EMCN: variants seen among roughly 807,000 people sequenced by gnomAD.
EMCN encodes the protein MUC-14.
In EMCN, 37 loss-of-function variants were observed where a neutral mutation model predicts 38.4. That is an observed-to-expected ratio of 0.96 (90% confidence interval 0.74 to 1.27). EMCN has a LOEUF of 1.27. Among genes scored for constraint, EMCN ranks in the 50% most tolerant of loss-of-function variants. EMCN has a pLI of 0.00. For missense variants in EMCN, 318 were observed against 302.8 expected (o/e 1.05, Z -0.37); for synonymous variants, 95 against 100.8 (o/e 0.94, Z 0.35).
At chr4:100,455,509 G>GTTTTTTTTTTTTTTTTTTTTTTTT (rs11432936) in intron 4 of EMCN, among the ~76,000 whole-genome samples, 1 of 133,534 alleles carries the variant, frequency 7.5e-6, no homozygotes, top group Non-Finnish European at 1.5e-5. Flanking sequence ...AGGGTGAAAA[G>GTTTTTTTTTTTTTTTTTTTTTTTT]TTTTTTTTTT....
At chr4:100,420,166 A>G (rs1472024455) in intron 8 of EMCN, among the ~76,000 whole-genome samples, 1 of 152,222 alleles carries the variant, frequency 6.6e-6, no homozygotes, top group East Asian at 1.9e-4. Flanking sequence ...GTAGCATGCA[A>G]TGTGAACAAT....
At chr4:100,399,862 T>G (rs1274352577) in intron 11 of EMCN, among the ~76,000 whole-genome samples, 1 of 152,164 alleles carries the variant, frequency 6.6e-6, no homozygotes, top group African/African-American at 2.4e-5. Context: ...TTGGTACAGA[T>G]TATTTTACCC....
chr4:100,516,427 T>C (rs3756041), intron 1 of EMCN, among the ~76,000 whole-genome samples: 59,969 of 151,920 alleles, frequency 0.39, 12,475 homozygotes, highest in East Asian at 0.74. Flanking sequence ...TCAGACTTTA[T>C]ACTAATCTGA....
chr4:100,416,851 T>C (rs1468872812), intron 9 of EMCN, among the ~76,000 whole-genome samples: 4 of 152,178 alleles, frequency 2.6e-5, no homozygotes, highest in Non-Finnish European at 4.4e-5. Flanking sequence ...TAGGTATTTT[T>C]TCTATGATAT....
chr4:100,396,540 C>CT lies in EMCN; in HGVS notation c.*1872dup, dbSNP rs71594584. 0.66 allele frequency: 65,299 copies of CT among 99,584 alleles called. 23,292 individuals are homozygous for CT. The highest frequency in any genetic ancestry group is 0.88 in the East Asian group (3,121 of 3,550). The allele number at this position is 99,584 out of a possible 1,614,324, so 6.2% of individuals were successfully genotyped here. ...GGACTTTCTTTCTTTCTTTTTTTTC[C>CT]TTTTTTTTTTTTTTTTTTTTGAGAC... On this transcript the variant is annotated 3_prime_UTR_variant, in exon 12 of 12. Transcript: ENST00000296420.
intron 11 of EMCN, among the ~76,000 whole-genome samples, 158 bp downstream of exon 11, chr4:100,410,124 G>T (rs1212507308): frequency 6.6e-6 from 1 of 152,206 alleles, no homozygotes; most frequent in African/African-American, 2.4e-5. Flanking sequence ...GGCAATTTTT[G>T]TTAGAGTTTG....
intron 3 of EMCN, among the ~76,000 whole-genome samples, chr4:100,474,642 C>A (rs1728583598): frequency 1.3e-5 from 2 of 152,078 alleles, no homozygotes; most frequent in African/African-American, 4.8e-5. Context: ...GTGGTATATC[C>A]ATACAATGCA....
chr4:100,458,218 C>T (rs1487894165), intron 4 of EMCN, among the ~76,000 whole-genome samples: 1 of 152,042 alleles, frequency 6.6e-6, no homozygotes. Flanking sequence ...ATGAGGCCAT[C>T]TGGACCTGAG....
intron 8 of EMCN, 27 bp downstream of exon 8, chr4:100,421,254 GA>G: frequency 6.3e-7 from 1 of 1,586,734 alleles, no homozygotes; most frequent in Non-Finnish European, 8.6e-7. Context: ...CTTCTTTCAG[GA>G]AAACAAAACA....
At chr4:100,411,053 G>A (rs946945068) in intron 10 of EMCN, among the ~76,000 whole-genome samples, 21 of 152,076 alleles carry the variant, frequency 1.4e-4, no homozygotes, top group African/African-American at 4.1e-4. Context: ...TCAAATCTCC[G>A]GCTTTTAGAA....
At chr4:100,463,053 T>C (rs1302681588) in intron 4 of EMCN, among the ~76,000 whole-genome samples, 3 of 152,286 alleles carry the variant, frequency 2.0e-5, no homozygotes, top group African/African-American at 4.8e-5. Flanking sequence ...CCATTACTTA[T>C]ATTCCTAACT....
intron 11 of EMCN, among the ~76,000 whole-genome samples, chr4:100,398,694 C>T (rs528715344): frequency 1.8e-4 from 27 of 152,082 alleles, no homozygotes; most frequent in Non-Finnish European, 3.2e-4. Flanking sequence ...TCCTCACTCC[C>T]CATTGGCCAC....
At chr4:100,454,459 A>G (rs1727953876) in intron 4 of EMCN, among the ~76,000 whole-genome samples, 1 of 152,106 alleles carries the variant, frequency 6.6e-6, no homozygotes, top group South Asian at 2.1e-4. Context: ...GTGAGGGCTA[A>G]TGCAAGGACC....
rs557926303 is a variant in EMCN, at chr4:100,416,336, G to A, written c.690-377C>T. Among the ~76,000 whole-genome samples, 3 of 152,228 alleles carry A rather than the reference G, an allele frequency of 2.0e-5. No homozygotes were observed. In the South Asian group the frequency reaches 6.2e-4, roughly 32 times the overall value. On this transcript the variant is annotated intron_variant, in intron 9 of 11. Transcript: ENST00000296420. The stretch of plus-strand genomic sequence containing the variant: ...TGTCTCCAATTCTGAATTATGGAGA[G>A]GAAGACATAGAAATGTTTACAAGCC...
intron 4 of EMCN, among the ~76,000 whole-genome samples, chr4:100,458,655 CAGA>C (rs1396518746): frequency 6.6e-6 from 1 of 152,118 alleles, no homozygotes; most frequent in Non-Finnish European, 1.5e-5. Flanking sequence ...GACCTAAAGT[CAGA>C]AGGCCTAAAA....
intron 9 of EMCN, among the ~76,000 whole-genome samples, chr4:100,416,272 A>C (rs1035719869): frequency 3.3e-5 from 5 of 152,186 alleles, no homozygotes; most frequent in Non-Finnish European, 2.9e-5. Context: ...AATTAGTTTG[A>C]GTTGTGTGAA....
chr4:100,447,193 G>A (rs1363917279), intron 5 of EMCN, among the ~76,000 whole-genome samples: 4 of 152,146 alleles, frequency 2.6e-5, no homozygotes, highest in Admixed American at 2.6e-4. Context: ...GAAAGTAAGA[G>A]AAGACATTTT....
At chr4:100,492,611 T>C (rs1405840475) in intron 1 of EMCN, among the ~76,000 whole-genome samples, 1 of 151,874 alleles carries the variant, frequency 6.6e-6, no homozygotes, top group Admixed American at 6.6e-5. Flanking sequence ...CACATCACAA[T>C]CAAACTACCA....
chr4:100,422,979 T>G, intron 7 of EMCN, 42 bp downstream of exon 7: 2 of 1,589,522 alleles, frequency 1.3e-6, no homozygotes, highest in Non-Finnish European at 1.7e-6. Flanking sequence ...TCAAACATTC[T>G]GCATATCTAC....
Sources: gnomAD v4.1 joint callset for allele counts (sites outside exome capture counted in the v4.1 genomes callset) on GRCh38, gnomAD v4.1.1 for gene constraint, MANE v1.5 for transcripts, NCBI Gene and HGNC (gene_info 2026-07-23, HGNC 2026-07-21) for gene names.